The following TAF6L variants were observed in gnomAD, a reference collection of about 807,000 sequenced individuals.
TAF6L encodes the protein TATA-box binding protein associated factor 6 like.
TAF6L carries 34 observed loss-of-function variants against 57.3 expected under a neutral mutation model. The ratio of observed to expected loss-of-function variants is 0.59; its 90% CI spans 0.45 to 0.79. The LOEUF (loss-of-function observed/expected upper bound fraction) is 0.79, where lower values mean the gene tolerates loss of function less well. TAF6L is among the 30% of genes least tolerant of loss of function. The pLI is 0.00. For missense variants in TAF6L, 782 were observed against 853.2 expected, an observed-to-expected ratio of 0.92 and a Z score of 1.04; for synonymous variants, 417 against 376.3, an observed-to-expected ratio of 1.11 and a Z score of -1.25.
At chr11:62,776,870 C>T (rs964894189) in intron 3 of TAF6L, among the ~76,000 whole-genome samples, 2 of 149,632 alleles carry the variant, frequency 1.3e-5, no homozygotes, top group African/African-American at 2.5e-5. Flanking sequence ...AAAAAAAGGC[C>T]GGGCACAGGA....
chr11:62,786,657 T>G lies in TAF6L; in HGVS notation c.1230T>G (p.Gly410=). 1 of 1,610,946 alleles carries G rather than the reference T, an allele frequency of 6.2e-7. No individual in the cohort carries two copies. ...LLFQESSSGG[G]AEPSFGSGLP... ...TTCAAGAGTCGTCCTCCGGGGGCGG[T>G]GCAGAACCCAGCTTTGGGTCCGGCC... The change falls in exon 11 of 11, where the codon GGT becomes GGG. Residue 410 remains glycine (G), a synonymous_variant. Transcript: ENST00000294168.
intron 6 of TAF6L, among the ~76,000 whole-genome samples, chr11:62,781,396 G>T (rs1029188463): frequency 2.6e-5 from 4 of 151,934 alleles, no homozygotes; most frequent in Admixed American, 2.0e-4. Flanking sequence ...TTGGATGGCC[G>T]GGCGCGGTGG....
rs530031992 is a variant in TAF6L at position 62,778,038 on chromosome 11, C to A, written c.295C>A (p.Leu99Ile). ...LPMRPAREGE[L>I]YFPEDREVNL... Reference sequence around the variant, plus strand: ...CATGCGCCCCGCCAGGGAGGGTGAACTCTACTTTCCTGAGGATCGAGAGGT... The same window carrying A: ...CATGCGCCCCGCCAGGGAGGGTGAAATCTACTTTCCTGAGGATCGAGAGGT... Residue 99 changes from leucine to isoleucine, a missense_variant, in exon 4 of 11, where the codon CTC (leucine) becomes ATC (isoleucine). Coordinates refer to ENST00000294168, the MANE Select transcript of TAF6L (RefSeq NM_006473.4). 37 of 1,614,164 alleles carry A rather than the reference C, an allele frequency of 2.3e-5. No homozygotes were observed. The highest frequency in any genetic ancestry group is 3.1e-5 in the Non-Finnish European group (37 of 1,180,028).
intron 9 of TAF6L, among the ~76,000 whole-genome samples, chr11:62,784,653 G>C (rs990397993): frequency 2.6e-5 from 4 of 152,080 alleles, no homozygotes. Flanking sequence ...TTATCAGATG[G>C]TTTTTCTGCA....
At chr11:62,784,395 C>T (rs142081628) in intron 9 of TAF6L, among the ~76,000 whole-genome samples, 3,658 of 151,380 alleles carry the variant, frequency 0.024, 136 homozygotes, top group African/African-American at 0.085. Flanking sequence ...ACCTCCGCCT[C>T]CCGGGTTCAC....
At chr11:62,779,713 C>T (rs920792517) in intron 6 of TAF6L, among the ~76,000 whole-genome samples, 27 of 150,132 alleles carry the variant, frequency 1.8e-4, no homozygotes, top group African/African-American at 6.3e-4. Flanking sequence ...TCACCTAGGC[C>T]GGAGTGCAGT....
At chr11:62,779,554 G>A (rs2084211784) in intron 6 of TAF6L, among the ~76,000 whole-genome samples, 1 of 151,974 alleles carries the variant, frequency 6.6e-6, no homozygotes, top group African/African-American at 2.4e-5. Flanking sequence ...TCGAACTCCC[G>A]ACCTCAGGTG....
intron 1 of TAF6L, among the ~76,000 whole-genome samples, chr11:62,774,202 G>A (rs969916032): frequency 2.6e-5 from 4 of 151,760 alleles, no homozygotes; most frequent in South Asian, 2.1e-4. Context: ...TCAGCCTCCC[G>A]AGTAGCTGGG....
At chr11:62,779,135 C>T (rs1218654944) in intron 6 of TAF6L, among the ~76,000 whole-genome samples, 172 bp downstream of exon 6, 1 of 152,002 alleles carries the variant, frequency 6.6e-6, no homozygotes, top group Non-Finnish European at 1.5e-5. Context: ...ATTCTCCTGC[C>T]TCAGCCTCCT....
At chr11:62,783,780 G>C (rs1300235977) in intron 9 of TAF6L, among the ~76,000 whole-genome samples, 2 of 151,810 alleles carry the variant, frequency 1.3e-5, no homozygotes, top group Non-Finnish European at 2.9e-5. Context: ...TGGTCTGCCT[G>C]CCTCGGCTTC....
chr11:62,778,808 G>A, intron 5 of TAF6L, 61 bp from the exon 6 acceptor site: 2 of 1,420,796 alleles, frequency 1.4e-6, no homozygotes, highest in Non-Finnish European at 2.0e-6. Context: ...GGAGGAGGCT[G>A]GAGAGGCCAG....
At chr11:62,779,074 G>A in intron 6 of TAF6L, 111 bp downstream of exon 6, 1 of 870,412 alleles carries the variant, frequency 1.1e-6, no homozygotes, top group Non-Finnish European at 1.8e-6. Flanking sequence ...AGGCTGGAGT[G>A]CAATGGCATG....
At position 62,778,933 on chromosome 11, in the gene TAF6L, T is replaced by G; in HGVS notation, c.501T>G (p.Ala167=). Residue 167 remains alanine, a synonymous_variant, in exon 6 of 11, where the codon GCT becomes GCG. Transcript: ENST00000294168. ...AGTACTATCACCAGGTGACTCGTGC[T>G]GTGCTAGGGGATGATCCGCAACTGA... ...LLKYYHQVTR[A]VLGDDPQLMK... is the part of the protein sequence containing the mutation. 6.2e-7 allele frequency: 1 copy of G among 1,614,114 alleles called. No individual in the cohort carries two copies. Among genetic ancestry groups the G allele is most frequent in the Non-Finnish European group, 8.5e-7 (1 of 1,180,020 alleles).
chr11:62,775,708 A>T (rs542242), intron 1 of TAF6L, 63 bp from the exon 2 acceptor site: 2 of 1,520,154 alleles, frequency 1.3e-6, no homozygotes, highest in Non-Finnish European at 1.8e-6. Context: ...AGGGTGTTGG[A>T]TCACACTCCT....
Position 62,775,874 on chromosome 11 carries a change from G to A in TAF6L, c.91G>A (p.Glu31Lys). 1 of 1,614,042 alleles carries A rather than the reference G, an allele frequency of 6.2e-7. No individual in the cohort carries two copies. Among genetic ancestry groups the A allele is most frequent in the East Asian group, 2.2e-5 (1 of 44,884 alleles). Reference protein sequence around the residue: ...AESTGLELSDEVAALLAEDVC... With the variant: ...AESTGLELSDKVAALLAEDVC... ...GAGCACGGGCCTGGAGCTGAGCGAT[G>A]AGGTGGCGGCGCTGCTCGCAGAGGA... Residue 31 changes from glutamate to lysine, a missense_variant, in exon 2 of 11, where the codon GAG becomes AAG. By Grantham distance (56) the Glu-to-Lys change is moderately conservative (BLOSUM62 1). Around this residue, in one of 3 missense-constraint regions of TAF6L, gnomAD observed 220 missense variants for 252.1 expected, o/e 0.87. Coordinates refer to ENST00000294168, the MANE Select transcript of TAF6L (RefSeq NM_006473.4).
In TAF6L at chr11:62,786,930, C is replaced by G; in HGVS notation, c.1503C>G (p.Ser501Arg). Residue 501 changes from serine (S) to arginine (R), a missense_variant, in exon 11 of 11, where the codon AGC (serine) becomes AGG (arginine). Around this residue, in one of 3 missense-constraint regions of TAF6L, gnomAD observed 483 missense variants for 445.1 expected, o/e 1.09. Transcript: ENST00000294168. ...TAGTCAGCCCGCACGGCGACGAGAG[C>G]CCCCGGGGCAGCGGCGGAGGCGGCC... ...SAIVSPHGDE[S>R]PRGSGGGGPA... The G allele has an allele frequency of 6.8e-7, 1 of 1,477,334 alleles. No homozygotes were observed. Among genetic ancestry groups the G allele is most frequent in the Non-Finnish European group, 8.9e-7 (1 of 1,123,258 alleles). 91.5% of individuals were successfully genotyped at this position (1,477,334 alleles called of 1,614,324 possible).
rs201773748 is a variant in TAF6L, at chr11:62,782,686, C to T, written c.828-7C>T. The T allele has an allele frequency of 3.7e-6, 6 of 1,611,498 alleles. No individual in the cohort carries two copies. In the African/African-American group the frequency reaches 5.3e-5, roughly 14 times the overall value. ...TTCCCCTCCCTAACTGAATGGTGCT[C>T]CCACAGGACTCATGGGGACCTTGTA... On this transcript the variant is annotated splice_region_variant and splice_polypyrimidine_tract_variant and intron_variant, in intron 8 of 10. Transcript: ENST00000294168.
intron 1 of TAF6L, among the ~76,000 whole-genome samples, chr11:62,773,550 C>T (rs2084165034): frequency 6.6e-6 from 1 of 151,676 alleles, no homozygotes; most frequent in South Asian, 2.1e-4. Flanking sequence ...CGGGTTCAAG[C>T]GATTCTCCTG....
intron 1 of TAF6L, chr11:62,771,785 C>T (rs1332226539): frequency 4.4e-6 from 1 of 226,810 alleles, no homozygotes; most frequent in Non-Finnish European, 9.1e-6. Flanking sequence ...GAGCGGGAGA[C>T]TTTGGTCACA....
Sources: allele counts gnomAD v4.1 joint callset (sites outside exome capture counted in the v4.1 genomes callset), GRCh38; gene constraint gnomAD v4.1.1; regional missense constraint gnomAD v4.1.1; transcripts MANE v1.5; gene names NCBI Gene and HGNC (gene_info 2026-07-23, HGNC 2026-07-21).